Variants in ANAPC15 observed in about 807,000 individuals in gnomAD.
ANAPC15 encodes the protein anaphase-promoting complex subunit 15.
In ANAPC15, 13 loss-of-function variants were observed where a neutral mutation model predicts 19.8. The ratio of observed to expected loss-of-function variants is 0.66; its 90% CI spans 0.43 to 1.04. The LOEUF (loss-of-function observed/expected upper bound fraction) is 1.04, where lower values mean the gene tolerates loss of function less well. ANAPC15 is among the 50% of genes least tolerant of loss of function. The pLI is 0.00. For synonymous variants in ANAPC15, 45 were observed against 50.7 expected, an observed-to-expected ratio of 0.89 and a Z score of 0.47; for missense variants, 88 against 150.3, an observed-to-expected ratio of 0.59 and a Z score of 2.17.
At chr11:72,108,752 C>T (rs1230451727), downstream of ANAPC15, 4 of 1,550,436 alleles carry the variant, frequency 2.6e-6, no homozygotes, top group Non-Finnish European at 3.5e-6. Context: ...TGCCCTACTG[C>T]CAGCAGGTGC....
chr11:72,109,949 G>A (rs1946243037), intron 5 of ANAPC15, 21 bp from the exon 6 acceptor site: 1 of 1,613,942 alleles, frequency 6.2e-7, no homozygotes, highest in Admixed American at 1.7e-5. Flanking sequence ...GGCTGGGTGT[G>A]GGTGGGGAGG....
At position 72,111,297 on chromosome 11, in the gene ANAPC15, G is replaced by A; in HGVS notation, c.-10-11C>T. 3 of 1,575,246 alleles carry A rather than the reference G, an allele frequency of 1.9e-6. No homozygotes were observed. Among genetic ancestry groups the A allele is most frequent in the Non-Finnish European group, 2.6e-6 (3 of 1,145,862 alleles). On this transcript the variant is annotated splice_polypyrimidine_tract_variant and intron_variant, in intron 2 of 5. Coordinates refer to ENST00000227618, the MANE Select transcript of ANAPC15 (RefSeq NM_014042.3). ...GACATGGCTCCTAGACTGAGGGAAAGGGTCAAGTGAATGTGTTTTGCTTTG... is the reference window on the plus strand; with the variant it reads ...GACATGGCTCCTAGACTGAGGGAAAAGGTCAAGTGAATGTGTTTTGCTTTG...
At chr11:72,111,052 A>C (rs1946739976) in intron 3 of ANAPC15, 105 bp downstream of exon 3, 1 of 833,454 alleles carries the variant, frequency 1.2e-6, no homozygotes, top group African/African-American at 1.7e-5. Flanking sequence ...CTCAGGGCAA[A>C]AAGCTCTTCC....
downstream of ANAPC15, chr11:72,109,556 GC>G: frequency 2.2e-6 from 1 of 453,534 alleles, no homozygotes; most frequent in Non-Finnish European, 4.1e-6. Flanking sequence ...ACTCCTCTGG[GC>G]CCCACCAACA....
intron 3 of ANAPC15, 198 bp from the exon 4 acceptor site, chr11:72,110,801 T>C (rs937900302): frequency 1.6e-6 from 1 of 606,670 alleles, no homozygotes; most frequent in African/African-American, 1.9e-5. Flanking sequence ...CTCTGAGCCT[T>C]CTTTTTTTTG....
In ANAPC15 at chr11:72,110,529, G is replaced by T. The variant is rs913535244; in HGVS notation, c.180+15C>A. On this transcript the variant is annotated intron_variant, in intron 4 of 5. Transcript: ENST00000227618. ...TGCGGCCCCCACACAGGCCCCACCT[G>T]CTAGAGCCACTCACCTCTGAGGCTG... is the stretch of plus-strand genomic sequence containing the variant. 6.2e-7 allele frequency: 1 copy of T among 1,614,158 alleles called. No individual in the cohort carries two copies. The highest frequency in any genetic ancestry group is 1.3e-5 in the African/African-American group (1 of 75,064).
At chr11:72,109,099 G>A, downstream of ANAPC15, 2 of 612,790 alleles carry the variant, frequency 3.3e-6, no homozygotes, top group Non-Finnish European at 5.7e-6. Context: ...CAAGTGTCAA[G>A]TTCTATCAGG....
At chr11:72,109,969 C>T in intron 5 of ANAPC15, 41 bp from the exon 6 acceptor site, 1 of 1,614,028 alleles carries the variant, frequency 6.2e-7, no homozygotes, top group East Asian at 2.2e-5. Flanking sequence ...GGGCCTCAGC[C>T]AGCCTCAGCC....
At chr11:72,109,299 G>A (rs1029194701), downstream of ANAPC15, 7 of 471,900 alleles carry the variant, frequency 1.5e-5, no homozygotes, top group Non-Finnish European at 2.9e-5. Flanking sequence ...GGGCCTCCCA[G>A]TTCTCGGCCT....
At chr11:72,108,124 GC>G, downstream of ANAPC15, 2 of 1,491,016 alleles carry the variant, frequency 1.3e-6, no homozygotes, top group Non-Finnish European at 1.8e-6. Flanking sequence ...CACATGGTCA[GC>G]CTCCCATCTC....
chr11:72,110,758 G>A, intron 3 of ANAPC15, 155 bp from the exon 4 acceptor site: 1 of 711,112 alleles, frequency 1.4e-6, no homozygotes, highest in Non-Finnish European at 2.3e-6. Context: ...CTTGTCATCT[G>A]CCATTTATGA....
intron 2 of ANAPC15, 46 bp from the exon 3 acceptor site, chr11:72,111,332 T>C (rs879692078): frequency 1.4e-5 from 21 of 1,456,982 alleles, no homozygotes; most frequent in East Asian, 2.3e-5. Context: ...GTTTTTGTTT[T>C]TAATTTGGTT....
intron 1 of ANAPC15, chr11:72,111,849 G>C (rs1565338769): frequency 6.5e-6 from 1 of 153,904 alleles, no homozygotes; most frequent in Admixed American, 6.4e-5. Context: ...ATGCAAGCAG[G>C]GTTCAGTAAG....
rs375635711 is a variant in ANAPC15, at chr11:72,110,507, G to A, written c.180+37C>T. ...TTAGAGCAGAGCCTCGGTCCACTGC[G>A]GCCCCCACACAGGCCCCACCTGCTA... On this transcript the variant is annotated intron_variant, in intron 4 of 5. Transcript: ENST00000227618. The A allele has an allele frequency of 2.1e-5, 34 of 1,612,510 alleles. No homozygotes were observed. In the Middle Eastern group the frequency reaches 4.9e-4, roughly 23 times the overall value.
At chr11:72,108,965 C>T (rs984422120), downstream of ANAPC15, 11 of 1,442,926 alleles carry the variant, frequency 7.6e-6, no homozygotes, top group African/African-American at 1.6e-4. Context: ...CCACCCCCAC[C>T]CCCACCCAAG....
intron 3 of ANAPC15, 55 bp downstream of exon 3, chr11:72,111,102 G>T: frequency 9.5e-7 from 1 of 1,048,390 alleles, no homozygotes. Flanking sequence ...ATGGCCCACT[G>T]AAGGAGGTCT....
At chr11:72,108,767 G>A (rs779971909), downstream of ANAPC15, 42 of 1,550,350 alleles carry the variant, frequency 2.7e-5, no homozygotes, top group South Asian at 1.8e-4. Context: ...AGGTGCCACC[G>A]TGCTGGCTGA....
chr11:72,111,349 T>C lies in ANAPC15; in HGVS notation c.-11+63A>G. ...TTTTGTTTTTAATTTGGTTGTAATT[T>C]GATTTAGGGATAGGGTGGAAGACAG... On this transcript the variant is annotated intron_variant, in intron 2 of 5. Coordinates refer to ENST00000227618, the MANE Select transcript of ANAPC15 (RefSeq NM_014042.3). 4 of 1,315,722 alleles carry C rather than the reference T, an allele frequency of 3.0e-6. No individual in the cohort carries two copies. The African/African-American group carries it at 4.3e-5, about 14-fold the overall frequency. The allele number at this position is 1,315,722 out of a possible 1,614,324, so 81.5% of individuals were successfully genotyped here.
Position 72,110,604 on chromosome 11 carries a change from C to G in ANAPC15, c.121-1G>C, listed in dbSNP as rs1946529197. Reference sequence around the variant, plus strand: ...TGTCTTTCTCCGCGATGCTTTGGAGCTGTGGGCAAAGGCACAGAGGAACAA... The same window carrying G: ...TGTCTTTCTCCGCGATGCTTTGGAGGTGTGGGCAAAGGCACAGAGGAACAA... On this transcript the variant is annotated splice_acceptor_variant, in intron 3 of 5. Transcript: ENST00000227618. LOFTEE classifies it high-confidence loss of function. 3.1e-6 allele frequency: 5 copies of G among 1,614,242 alleles called. No homozygotes were observed. The highest frequency in any genetic ancestry group is 4.2e-6 in the Non-Finnish European group (5 of 1,180,044).
Sources: allele counts gnomAD v4.1 joint callset, GRCh38; gene constraint gnomAD v4.1.1; transcripts MANE v1.5; gene names NCBI Gene and HGNC (gene_info 2026-07-23, HGNC 2026-07-21).